LRRC69: variants seen among roughly 807,000 people sequenced by gnomAD.
LRRC69 encodes the protein leucine rich repeat containing 69.
A neutral mutation model predicts 37.8 loss-of-function variants in LRRC69; 42 were observed. That is an observed-to-expected ratio of 1.11 (90% CI 0.87 to 1.44). The LOEUF (loss-of-function observed/expected upper bound fraction) is 1.44. Ranked by LOEUF, LRRC69 falls within the 40% of genes most tolerant of loss-of-function variation. The pLI is 0.00. For missense variants in LRRC69, 357 were observed against 401.9 expected (o/e 0.89, Z 0.96); for synonymous variants, 141 against 143.1 (o/e 0.99, Z 0.11).
intron 3 of LRRC69, chr8:91,130,366 C>T (rs1442705277): frequency 1.3e-5 from 2 of 152,172 alleles, no homozygotes; most frequent in Non-Finnish European, 2.9e-5. Context: ...CCTCCGCCTT[C>T]CAGGTTCAAA....
intron 7 of LRRC69, among the ~76,000 whole-genome samples, chr8:91,210,562 G>GACACACACACACACAC (rs35968986): frequency 7.5e-4 from 109 of 146,194 alleles, no homozygotes; most frequent in African/African-American, 1.3e-3. Flanking sequence ...CACACACACA[G>GACACACACACACACAC]ACACACACAC....
At chr8:91,149,488 C>G (rs1036545011) in intron 5 of LRRC69, among the ~76,000 whole-genome samples, 2 of 151,932 alleles carry the variant, frequency 1.3e-5, no homozygotes, top group African/African-American at 4.8e-5. Flanking sequence ...GTTACTGTAG[C>G]CTTGTAGTAT....
At chr8:91,158,371 C>T in intron 5 of LRRC69, 2 of 1,431,236 alleles carry the variant, frequency 1.4e-6, no homozygotes, top group Non-Finnish European at 2.0e-6. Context: ...ATTTAGATGA[C>T]AACATCAAAA....
intron 6 of LRRC69, among the ~76,000 whole-genome samples, chr8:91,195,163 A>T (rs1221911603): frequency 3.3e-5 from 5 of 151,984 alleles, no homozygotes; most frequent in Admixed American, 1.3e-4. Context: ...TTTGAGTGAG[A>T]TTCTTAATCC....
chr8:91,128,366 C>T lies in LRRC69; in HGVS notation c.383+1206C>T, dbSNP rs550094968. ...ATACAAATTACAGTATTCAAGGAAT[C>T]GTAAATCTAAGGGAATATGTTAGAA... On this transcript the variant is annotated intron_variant, in intron 3 of 7. Coordinates refer to ENST00000448384, the Ensembl canonical transcript of LRRC69. Among the ~76,000 whole-genome samples the T allele has an allele frequency of 2.0e-5, 3 of 152,066 alleles. No homozygotes were observed. The South Asian group carries it at 6.2e-4, about 32-fold the overall frequency.
At chr8:91,198,228 T>C (rs1809652436) in intron 6 of LRRC69, among the ~76,000 whole-genome samples, 1 of 152,158 alleles carries the variant, frequency 6.6e-6, no homozygotes, top group Admixed American at 6.6e-5. Flanking sequence ...GGCTAAATGG[T>C]TTACCGTTTT....
Position 91,147,956 on chromosome 8 carries a change from G to A in LRRC69, c.651+12217G>A, listed in dbSNP as rs183087272. On this transcript the variant is annotated intron_variant, in intron 5 of 7. Coordinates refer to ENST00000448384, the Ensembl canonical transcript of LRRC69. ...CTCCCACATATGAGTGAGAACATGC[G>A]GTGTTTGGTTTTCTGTTCCTGGGTT... Among the ~76,000 whole-genome samples the A allele has an allele frequency of 6.6e-5, 10 of 151,448 alleles. No homozygotes were observed. The East Asian group carries it at 1.4e-3, about 21-fold the overall frequency.
At chr8:91,111,003 G>C (rs1466606576) in intron 1 of LRRC69, among the ~76,000 whole-genome samples, 1 of 152,068 alleles carries the variant, frequency 6.6e-6, no homozygotes, top group African/African-American at 2.4e-5. Context: ...TCTTTACAGA[G>C]ATGATCTAAG....
At chr8:91,197,622 A>G (rs569276874) in intron 6 of LRRC69, among the ~76,000 whole-genome samples, 1 of 151,564 alleles carries the variant, frequency 6.6e-6, no homozygotes, top group East Asian at 1.9e-4. Context: ...GCCGTCCGAC[A>G]CCCCTTTCTT....
At position 91,104,114 on chromosome 8, in the gene LRRC69, T is replaced by C. The variant is rs545715987; in HGVS notation, c.183+1270T>C. ...GATACAGTTATATTAATGTATCTATTGTGTATTGATCCACATCTGGAATCA... is the reference window on the plus strand; with the variant it reads ...GATACAGTTATATTAATGTATCTATCGTGTATTGATCCACATCTGGAATCA... On this transcript the variant is annotated intron_variant, in intron 1 of 7. Transcript: ENST00000448384. 2.6e-5 allele frequency among the ~76,000 whole-genome samples: 4 copies of C among 152,162 alleles called. No individual in the cohort carries two copies. The East Asian group carries it at 7.7e-4, about 29-fold the overall frequency.
At chr8:91,151,281 T>C (rs1387148584) in intron 5 of LRRC69, among the ~76,000 whole-genome samples, 1 of 151,976 alleles carries the variant, frequency 6.6e-6, no homozygotes, top group African/African-American at 2.4e-5. Context: ...TTCTGGTATG[T>C]TGTGTCTTTG....
intron 1 of LRRC69, chr8:91,118,109 C>T: frequency 6.6e-6 from 3 of 451,740 alleles, no homozygotes; most frequent in Non-Finnish European, 1.3e-5. Context: ...ATAGCTAGAT[C>T]TTCCTAACAA....
chr8:91,166,492 G>GAAAAAAAAAAAAAAAAAAAAAAA (rs66705016), intron 5 of LRRC69, among the ~76,000 whole-genome samples: 2 of 95,298 alleles, frequency 2.1e-5, no homozygotes, highest in African/African-American at 1.0e-4. Context: ...AAAATAAACT[G>GAAAAAAAAAAAAAAAAAAAAAAA]AAAAAAAAAA....
chr8:91,215,952 T>C (rs1563630443), intron 7 of LRRC69, among the ~76,000 whole-genome samples: 1 of 152,104 alleles, frequency 6.6e-6, no homozygotes, highest in Non-Finnish European at 1.5e-5. Flanking sequence ...AGTGTTAAGG[T>C]GGTACGAGAA....
chr8:91,123,944 GT>G (rs1324313482), intron 1 of LRRC69, among the ~76,000 whole-genome samples: 1 of 151,906 alleles, frequency 6.6e-6, no homozygotes, highest in African/African-American at 2.4e-5. Context: ...CATTTCAATA[GT>G]TTGTTTTCTA....
At chr8:91,181,677 A>G (rs1399559398) in intron 5 of LRRC69, among the ~76,000 whole-genome samples, 1 of 152,192 alleles carries the variant, frequency 6.6e-6, no homozygotes, top group East Asian at 1.9e-4. Flanking sequence ...GTATCAAGAG[A>G]GACATTGTAG....
At chr8:91,127,902 A>G (rs923390817) in intron 3 of LRRC69, among the ~76,000 whole-genome samples, 2 of 152,046 alleles carry the variant, frequency 1.3e-5, no homozygotes, top group African/African-American at 4.8e-5. Flanking sequence ...AGCACCTAAC[A>G]TCTATTCCAA....
chr8:91,145,930 C>T (rs1422886407), intron 5 of LRRC69, among the ~76,000 whole-genome samples: 1 of 151,684 alleles, frequency 6.6e-6, no homozygotes, highest in Non-Finnish European at 1.5e-5. Context: ...AAATATTATC[C>T]TTGATGCAAT....
chr8:91,208,231 TGAA>T (rs1809840476), intron 7 of LRRC69, among the ~76,000 whole-genome samples: 1 of 152,134 alleles, frequency 6.6e-6, no homozygotes, highest in Admixed American at 6.5e-5. Context: ...TTAGAGTTGT[TGAA>T]GTAGTGGGGT....
Sources: gnomAD v4.1 joint callset for allele counts (sites outside exome capture counted in the v4.1 genomes callset) on GRCh38, gnomAD v4.1.1 for gene constraint, MANE v1.5 for transcripts, NCBI Gene and HGNC (gene_info 2026-07-23, HGNC 2026-07-21) for gene names.